The following LDLRAD3 variants were observed in gnomAD, a reference collection of about 807,000 sequenced individuals.
The protein encoded by LDLRAD3 is low-density lipoprotein receptor class A domain-containing protein 3.
Under a neutral mutation model 29.4 loss-of-function variants are expected in LDLRAD3, and 20 were observed. The ratio of observed to expected loss-of-function variants is 0.68; its 90% CI spans 0.48 to 0.99. The LOEUF (loss-of-function observed/expected upper bound fraction) is 0.99, where lower values mean the gene tolerates loss of function less well. Ranked by LOEUF, LDLRAD3 falls within the 50% of genes least tolerant of loss-of-function variation. LDLRAD3 has a pLI of 0.00. For synonymous variants in LDLRAD3, 157 were observed against 192.7 expected (o/e 0.81, Z 1.53); for missense variants, 420 against 454.3 (o/e 0.92, Z 0.69).
chr11:36,072,484 C>T (rs1195695783), intron 2 of LDLRAD3, among the ~76,000 whole-genome samples: 1 of 152,166 alleles, frequency 6.6e-6, no homozygotes, highest in East Asian at 1.9e-4. Context: ...GAAGAGCCTT[C>T]TATACAAGGC....
chr11:35,993,084 G>T (rs1851709673), intron 1 of LDLRAD3, among the ~76,000 whole-genome samples: 1 of 152,080 alleles, frequency 6.6e-6, no homozygotes, highest in Non-Finnish European at 1.5e-5. Context: ...TGGCGTCCCA[G>T]TGCTTAAGAA....
At chr11:36,033,418 G>A (rs1852263859) in intron 1 of LDLRAD3, among the ~76,000 whole-genome samples, 1 of 152,152 alleles carries the variant, frequency 6.6e-6, no homozygotes, top group Non-Finnish European at 1.5e-5. Flanking sequence ...AAGTCCATGT[G>A]CCGCCAGCCT....
intron 4 of LDLRAD3, among the ~76,000 whole-genome samples, chr11:36,216,632 C>T (rs563085231): frequency 9.9e-5 from 15 of 152,276 alleles, no homozygotes; most frequent in Admixed American, 3.3e-4. Flanking sequence ...GTGAGTGACA[C>T]GGCTGAGGTT....
At chr11:36,145,141 A>C (rs74357380) in intron 4 of LDLRAD3, among the ~76,000 whole-genome samples, 4 of 97,476 alleles carry the variant, frequency 4.1e-5, no homozygotes, top group African/African-American at 1.4e-4. Context: ...CAGCTGCCCC[A>C]TCTGGGAGGG....
intron 4 of LDLRAD3, among the ~76,000 whole-genome samples, chr11:36,105,062 A>C (rs1853506859): frequency 6.6e-6 from 1 of 152,080 alleles, no homozygotes; most frequent in Non-Finnish European, 1.5e-5. Flanking sequence ...CGGGAGAGTT[A>C]ATTAAGTGTT....
intron 1 of LDLRAD3, among the ~76,000 whole-genome samples, chr11:36,012,202 T>C (rs1163666940): frequency 6.6e-6 from 1 of 152,174 alleles, no homozygotes; most frequent in African/African-American, 2.4e-5. Flanking sequence ...CTGAAACCTA[T>C]TTCTGTCCAT....
At chr11:35,976,037 G>A (rs1018201191) in intron 1 of LDLRAD3, among the ~76,000 whole-genome samples, 5 of 152,090 alleles carry the variant, frequency 3.3e-5, no homozygotes, top group Middle Eastern at 3.4e-3. Flanking sequence ...TCAGGTAAGA[G>A]GAGTTGGGCT....
chr11:36,178,887 T>C (rs929780508), intron 4 of LDLRAD3, among the ~76,000 whole-genome samples: 9 of 152,236 alleles, frequency 5.9e-5, no homozygotes, highest in Non-Finnish European at 1.3e-4. Context: ...GACACTTGCC[T>C]ACCTTGATTT....
At chr11:36,111,631 C>G (rs1259570936) in intron 4 of LDLRAD3, among the ~76,000 whole-genome samples, 1 of 149,704 alleles carries the variant, frequency 6.7e-6, no homozygotes, top group Non-Finnish European at 1.5e-5. Flanking sequence ...GATGGAGTCT[C>G]ACTCTGTTGC....
At chr11:36,202,996 G>A (rs1387927833) in intron 4 of LDLRAD3, among the ~76,000 whole-genome samples, 2 of 152,138 alleles carry the variant, frequency 1.3e-5, no homozygotes, top group Non-Finnish European at 2.9e-5. Context: ...GAGTGCAATG[G>A]TGCCGTCATA....
intron 2 of LDLRAD3, among the ~76,000 whole-genome samples, chr11:36,053,250 T>C (rs529470447): frequency 6.6e-6 from 1 of 152,318 alleles, no homozygotes; most frequent in African/African-American, 2.4e-5. Flanking sequence ...TTTTCTTTCT[T>C]TTTTTAAATC....
chr11:36,095,891 G>A (rs761878803), intron 3 of LDLRAD3, among the ~76,000 whole-genome samples: 1 of 152,298 alleles, frequency 6.6e-6, no homozygotes, highest in South Asian at 2.1e-4. Flanking sequence ...GAAGCTGAAG[G>A]CCACCACGGT....
chr11:36,070,472 C>A (rs1191936462), intron 2 of LDLRAD3, among the ~76,000 whole-genome samples: 1 of 152,182 alleles, frequency 6.6e-6, no homozygotes, highest in Non-Finnish European at 1.5e-5. Context: ...ATATTTATCT[C>A]ATGGTAACTC....
intron 4 of LDLRAD3, among the ~76,000 whole-genome samples, chr11:36,185,406 G>A (rs767326063): frequency 2.0e-5 from 3 of 152,150 alleles, no homozygotes; most frequent in Non-Finnish European, 4.4e-5. Context: ...GAGAATTTAG[G>A]GTATAGGAAC....
intron 1 of LDLRAD3, among the ~76,000 whole-genome samples, chr11:36,034,573 A>G (rs1474734774): frequency 1.3e-5 from 2 of 152,224 alleles, no homozygotes; most frequent in Non-Finnish European, 2.9e-5. Flanking sequence ...TTAATTCTGT[A>G]TAATGCAGCA....
chr11:36,198,745 C>T (rs929889512), intron 4 of LDLRAD3, among the ~76,000 whole-genome samples: 5 of 152,212 alleles, frequency 3.3e-5, no homozygotes, highest in Admixed American at 1.3e-4. Context: ...GTGTATTCTC[C>T]TGATGTGCAA....
chr11:36,181,946 C>T, intron 4 of LDLRAD3, among the ~76,000 whole-genome samples: 1 of 152,176 alleles, frequency 6.6e-6, no homozygotes, highest in East Asian at 1.9e-4. Flanking sequence ...CTGTAATACA[C>T]ATATGCACAT....
intron 1 of LDLRAD3, among the ~76,000 whole-genome samples, chr11:35,992,053 A>T (rs1338861425): frequency 6.6e-6 from 1 of 152,188 alleles, no homozygotes; most frequent in Admixed American, 6.5e-5. Context: ...AATTCTCCTG[A>T]GAGTTCAGCA....
chr11:36,059,659 C>T (rs1334656844), intron 2 of LDLRAD3, among the ~76,000 whole-genome samples: 1 of 152,226 alleles, frequency 6.6e-6, no homozygotes, highest in Admixed American at 6.5e-5. Flanking sequence ...TTCTAAACCT[C>T]TCTGGAACTG....
Sources: gnomAD v4.1 joint callset for allele counts (sites outside exome capture counted in the v4.1 genomes callset) on GRCh38, gnomAD v4.1.1 for gene constraint, MANE v1.5 for transcripts, NCBI Gene and HGNC (gene_info 2026-07-23, HGNC 2026-07-21) for gene names.